Variants in BCAT1 observed in about 807,000 individuals in gnomAD.
The protein encoded by BCAT1 is branched chain amino acid transaminase 1, also known as branched-chain-amino-acid aminotransferase, cytosolic.
In BCAT1, 48 loss-of-function variants were observed where a neutral mutation model predicts 52.4. The observed-to-expected ratio is 0.92, with a 90% CI of 0.73 to 1.16. The LOEUF (loss-of-function observed/expected upper bound fraction) is 1.16, where lower values mean the gene tolerates loss of function less well. Among genes scored for constraint, BCAT1 ranks in the 50% most tolerant of loss-of-function variants. The pLI is 0.00. For missense variants in BCAT1, 451 were observed against 457.1 expected (o/e 0.99, Z 0.12); for synonymous variants, 167 against 161.3 (o/e 1.04, Z -0.27).
At chr12:24,848,824 G>A (rs1941418708) in intron 6 of BCAT1, among the ~76,000 whole-genome samples, 1 of 152,184 alleles carries the variant, frequency 6.6e-6, no homozygotes, top group African/African-American at 2.4e-5. Context: ...TACCCATTGA[G>A]GGAATGCAGT....
rs761605022 is a variant in BCAT1, at chr12:24,901,904, C to T, written c.7-19G>A. 1 of 1,613,932 alleles carries T rather than the reference C, an allele frequency of 6.2e-7. No homozygotes were observed. The highest frequency in any genetic ancestry group is 1.1e-5 in the South Asian group (1 of 91,030). ...TGCAATCCTTAAAGAAGAATTAAAC[C>T]ACCATTAAGTAAATGCAGGTGGGTA... On this transcript the variant is annotated intron_variant, in intron 1 of 10. Transcript: ENST00000261192.
At chr12:24,938,152 A>AAG (rs1383526636) in intron 1 of BCAT1, among the ~76,000 whole-genome samples, 1 of 152,130 alleles carries the variant, frequency 6.6e-6, no homozygotes, top group Non-Finnish European at 1.5e-5. Context: ...TGGTTAGAGG[A>AAG]AGAGAGAGCA....
intron 5 of BCAT1, among the ~76,000 whole-genome samples, chr12:24,857,891 T>A (rs1233458573): frequency 6.6e-6 from 1 of 152,196 alleles, no homozygotes; most frequent in African/African-American, 2.4e-5. Flanking sequence ...ATAGCAGTTA[T>A]AGGGGAATAC....
rs748330927 is a variant in BCAT1, at chr12:24,832,924, C to T, written c.904-61G>A. On this transcript the variant is annotated intron_variant, in intron 8 of 10. Transcript: ENST00000261192. ...AAGGAAAAGGCATGCAAAACAATTG[C>T]AATACTTACTGTTCTGCTTAACATT... 65 of 1,470,784 alleles carry T rather than the reference C, an allele frequency of 4.4e-5. No homozygotes were observed. The African/African-American group carries it at 7.4e-4, about 17-fold the overall frequency. The allele number at this position is 1,470,784 out of a possible 1,614,324, so 91.1% of individuals were successfully genotyped here. A position where few individuals can be genotyped will look rare whatever the true frequency, so the allele number is the denominator to read the frequency against.
intron 1 of BCAT1, among the ~76,000 whole-genome samples, chr12:24,940,070 T>C (rs16928217): frequency 0.16 from 24,476 of 152,136 alleles, 2,678 homozygotes; most frequent in South Asian, 0.38. Context: ...GGTTCTTTCC[T>C]CAATTGTTTT....
At chr12:24,832,896 T>C in intron 8 of BCAT1, 33 bp from the exon 9 acceptor site, 2 of 1,576,056 alleles carry the variant, frequency 1.3e-6, no homozygotes, top group Non-Finnish European at 1.7e-6. Context: ...CAAGTATATT[T>C]TAAAGGAAAA....
chr12:24,898,744 G>A (rs1412408320), intron 2 of BCAT1, among the ~76,000 whole-genome samples: 2 of 151,672 alleles, frequency 1.3e-5, no homozygotes, highest in East Asian at 3.9e-4. Context: ...TCAAACTCCT[G>A]ACCTCAAATG....
intron 10 of BCAT1, 97 bp from the exon 11 acceptor site, chr12:24,818,146 T>C: frequency 1.6e-6 from 2 of 1,227,386 alleles, no homozygotes; most frequent in Non-Finnish European, 2.4e-6. Flanking sequence ...ACACAAAAGG[T>C]TCGCTTCTGC....
At chr12:24,831,372 G>C (rs576122243) in intron 9 of BCAT1, among the ~76,000 whole-genome samples, 7 of 152,258 alleles carry the variant, frequency 4.6e-5, no homozygotes, top group African/African-American at 1.7e-4. Flanking sequence ...ATGTGGGCCG[G>C]GCATGGTGAC....
chr12:24,814,783 C>CCTGCCT lies in BCAT1; in HGVS notation c.*3219_*3224dup, dbSNP rs1471652009. 10 of 148,918 alleles carry CCTGCCT rather than the reference C, an allele frequency of 6.7e-5. No individual in the cohort carries two copies. The highest frequency in any genetic ancestry group is 1.2e-4 in the Non-Finnish European group (8 of 67,592). The allele number at this position is 148,918 out of a possible 1,614,324, so 9.2% of individuals were successfully genotyped here. On this transcript the variant is annotated 3_prime_UTR_variant, in exon 11 of 11. Coordinates refer to ENST00000261192, the MANE Select transcript of BCAT1 (RefSeq NM_005504.7). ...GTTACGCTCTGCTTTCTTGCTACTG[C>CCTGCCT]CTGCCTCTGCCTCTGTTTGTTTTTT...
At chr12:24,945,431 A>G (rs1943921749) in intron 1 of BCAT1, 1 of 152,172 alleles carries the variant, frequency 6.6e-6, no homozygotes, top group Non-Finnish European at 1.5e-5. Flanking sequence ...CATTTACCAT[A>G]TGTTAGGTGA....
intron 6 of BCAT1, 145 bp downstream of exon 6, chr12:24,849,640 GA>G: frequency 1.0e-6 from 1 of 965,818 alleles, no homozygotes; most frequent in Non-Finnish European, 1.5e-6. Context: ...CTGGCTTGCT[GA>G]AAGATTAAAC....
At chr12:24,890,435 A>G (rs1266875832) in intron 3 of BCAT1, among the ~76,000 whole-genome samples, 2 of 152,342 alleles carry the variant, frequency 1.3e-5, no homozygotes, top group African/African-American at 2.4e-5. Context: ...TCGGCACAAC[A>G]TACAGGTTAC....
chr12:24,847,960 C>A (rs1003240166), intron 6 of BCAT1, among the ~76,000 whole-genome samples: 1 of 152,094 alleles, frequency 6.6e-6, no homozygotes, highest in African/African-American at 2.4e-5. Flanking sequence ...ATATTAAATG[C>A]GGAATATTTT....
intron 1 of BCAT1, among the ~76,000 whole-genome samples, chr12:24,907,333 G>A (rs1943240947): frequency 6.6e-6 from 1 of 152,150 alleles, no homozygotes; most frequent in South Asian, 2.1e-4. Flanking sequence ...CAAAATAATG[G>A]TAATATTTTA....
At chr12:24,819,245 C>T (rs1446608479) in intron 10 of BCAT1, among the ~76,000 whole-genome samples, 1 of 152,014 alleles carries the variant, frequency 6.6e-6, no homozygotes, top group East Asian at 1.9e-4. Flanking sequence ...GTGTATCAGG[C>T]CACTAAATCT....
intron 1 of BCAT1, among the ~76,000 whole-genome samples, chr12:24,928,923 T>TTATTG (rs1943638297): frequency 6.6e-6 from 1 of 151,890 alleles, no homozygotes; most frequent in Non-Finnish European, 1.5e-5. Context: ...TTATTTTATT[T>TTATTG]TATTGTATTG....
intron 7 of BCAT1, among the ~76,000 whole-genome samples, chr12:24,837,583 C>T (rs954178021): frequency 3.3e-5 from 5 of 151,860 alleles, no homozygotes; most frequent in East Asian, 1.9e-4. Context: ...CGCGCCACCA[C>T]GCCTGGCTAA....
At chr12:24,902,893 C>A in intron 1 of BCAT1, 1 of 1,515,442 alleles carries the variant, frequency 6.6e-7, no homozygotes, top group Admixed American at 2.0e-5. Flanking sequence ...CGCGAGCTAC[C>A]GAGACCCGGG....
Sources: gnomAD v4.1 joint callset for allele counts (sites outside exome capture counted in the v4.1 genomes callset) on GRCh38, gnomAD v4.1.1 for gene constraint, MANE v1.5 for transcripts, NCBI Gene and HGNC (gene_info 2026-07-23, HGNC 2026-07-21) for gene names.